The following GPCPD1 variants were observed in gnomAD, a reference collection of about 807,000 sequenced individuals.
GPCPD1 encodes glycerophosphocholine phosphodiesterase 1.
A neutral mutation model predicts 89.2 loss-of-function variants in GPCPD1; 29 were observed. The observed-to-expected ratio is 0.33, with a 90% confidence interval of 0.24 to 0.44. The LOEUF is 0.44. Ranked by LOEUF, GPCPD1 falls within the 20% of genes least tolerant of loss-of-function variation. The probability of loss-of-function intolerance (pLI) is 1.00; values close to 1 mark genes in which losing one functional copy is unlikely to be tolerated. For missense variants in GPCPD1, 594 were observed against 808.9 expected (o/e 0.73, Z 3.22); for synonymous variants, 258 against 266.3 (o/e 0.97, Z 0.30).
intron 4 of GPCPD1, 27 bp downstream of exon 4, chr20:5,593,300 A>G (rs779845603): frequency 2.6e-6 from 3 of 1,157,064 alleles, no homozygotes; most frequent in Non-Finnish European, 1.3e-6. Flanking sequence ...TGCTAAAGGA[A>G]TTGGAAACTA....
At chr20:5,599,800 G>A (rs1183249387) in intron 2 of GPCPD1, among the ~76,000 whole-genome samples, 4 of 152,054 alleles carry the variant, frequency 2.6e-5, no homozygotes, top group Admixed American at 6.6e-5. Context: ...TGATCTGCCC[G>A]CCTTGGCCTC....
At chr20:5,572,728 C>T (rs531627354) in intron 11 of GPCPD1, among the ~76,000 whole-genome samples, 5 of 151,404 alleles carry the variant, frequency 3.3e-5, no homozygotes, top group African/African-American at 1.2e-4. Flanking sequence ...GGAGAAAAAT[C>T]TCAGGTTATT....
At chr20:5,589,502 C>T (rs1311608638) in intron 4 of GPCPD1, among the ~76,000 whole-genome samples, 2 of 152,088 alleles carry the variant, frequency 1.3e-5, no homozygotes, top group African/African-American at 4.8e-5. Context: ...ATCCCAACTA[C>T]TCGGAAGGCT....
At chr20:5,549,015 T>C (rs1239551078) in intron 19 of GPCPD1, 2 of 703,834 alleles carry the variant, frequency 2.8e-6, no homozygotes, top group Admixed American at 4.4e-5. Flanking sequence ...AACCTGCCGC[T>C]GATCTCTAAG....
chr20:5,607,133 A>T (rs1980638859), intron 1 of GPCPD1, among the ~76,000 whole-genome samples: 1 of 152,112 alleles, frequency 6.6e-6, no homozygotes, highest in Non-Finnish European at 1.5e-5. Flanking sequence ...CTAAAAATAC[A>T]AAAATTGGCT....
chr20:5,553,084 C>G (rs1985524450), intron 19 of GPCPD1, among the ~76,000 whole-genome samples: 1 of 152,184 alleles, frequency 6.6e-6, no homozygotes, highest in African/African-American at 2.4e-5. Flanking sequence ...TTTTCAGATA[C>G]TGTGTTTCTT....
chr20:5,595,422 C>A (rs1354108816), intron 3 of GPCPD1, among the ~76,000 whole-genome samples: 1 of 152,086 alleles, frequency 6.6e-6, no homozygotes, highest in African/African-American at 2.4e-5. Context: ...GTGGGCGGAT[C>A]ATGAGGTCAG....
intron 15 of GPCPD1, among the ~76,000 whole-genome samples, chr20:5,562,083 C>T (rs555503650): frequency 1.4e-4 from 21 of 152,272 alleles, no homozygotes; most frequent in African/African-American, 5.1e-4. Flanking sequence ...ATGACAAATG[C>T]TATCAGTGTA....
intron 8 of GPCPD1, 82 bp from the exon 9 acceptor site, chr20:5,576,060 CAGACACACACACACAT>C: frequency 1.8e-6 from 1 of 545,530 alleles, no homozygotes; most frequent in Non-Finnish European, 3.2e-6. Flanking sequence ...CACACACACA[CAGACACACACACACAT>C]ATCTCCTATA....
intron 2 of GPCPD1, among the ~76,000 whole-genome samples, chr20:5,600,261 C>G (rs1369493160): frequency 6.6e-6 from 1 of 152,212 alleles, no homozygotes; most frequent in Non-Finnish European, 1.5e-5. Flanking sequence ...TTTCAGGGCT[C>G]TAAATACATG....
chr20:5,603,746 CTTTTTTT>C (rs1181802350), intron 2 of GPCPD1, among the ~76,000 whole-genome samples: 2 of 135,406 alleles, frequency 1.5e-5, no homozygotes, highest in Non-Finnish European at 3.2e-5. Context: ...CCAACTTATT[CTTTTTTT>C]TTTTTTTTTT....
chr20:5,580,587 G>A (rs151273282), intron 6 of GPCPD1, among the ~76,000 whole-genome samples: 9 of 151,818 alleles, frequency 5.9e-5, no homozygotes, highest in African/African-American at 1.9e-4. Flanking sequence ...ATAGCCGGGC[G>A]TGGTGGCGGG....
At chr20:5,607,754 G>T (rs1384650311) in intron 1 of GPCPD1, among the ~76,000 whole-genome samples, 2 of 151,588 alleles carry the variant, frequency 1.3e-5, no homozygotes, top group Admixed American at 1.3e-4. Flanking sequence ...GAAGGTGGAG[G>T]TTGCAGTGAG....
chr20:5,573,698 G>A (rs1184535385), intron 11 of GPCPD1, among the ~76,000 whole-genome samples: 2 of 152,072 alleles, frequency 1.3e-5, no homozygotes, highest in Non-Finnish European at 2.9e-5. Context: ...AGCCATGTTC[G>A]CACCACTGCA....
At chr20:5,573,795 C>T (rs755138357) in intron 11 of GPCPD1, 120 bp downstream of exon 11, 15 of 757,028 alleles carry the variant, frequency 2.0e-5, no homozygotes, top group Non-Finnish European at 3.1e-5. Context: ...CCGATCTTCA[C>T]CATGGATCTG....
intron 19 of GPCPD1, among the ~76,000 whole-genome samples, 177 bp downstream of exon 19, chr20:5,557,768 C>T (rs1194929712): frequency 6.6e-6 from 1 of 152,210 alleles, no homozygotes. Context: ...CCTTAACAAG[C>T]TTCCCAAGTG....
At chr20:5,607,743 A>C (rs1980690318) in intron 1 of GPCPD1, among the ~76,000 whole-genome samples, 1 of 151,828 alleles carries the variant, frequency 6.6e-6, no homozygotes, top group Admixed American at 6.6e-5. Flanking sequence ...ACTTGAACCC[A>C]GAAGGTGGAG....
intron 8 of GPCPD1, among the ~76,000 whole-genome samples, chr20:5,577,539 A>T (rs1600753958): frequency 6.6e-6 from 1 of 152,056 alleles, no homozygotes; most frequent in East Asian, 1.9e-4. Context: ...GAAAGAAAGA[A>T]GTCATCAAAA....
At chr20:5,576,179 G>A (rs1978288332) in intron 8 of GPCPD1, among the ~76,000 whole-genome samples, 1 of 151,588 alleles carries the variant, frequency 6.6e-6, no homozygotes. Context: ...CCAGCACTTT[G>A]GGATGCTGAC....
Sources: gnomAD v4.1 joint callset for allele counts (sites outside exome capture counted in the v4.1 genomes callset) on GRCh38, gnomAD v4.1.1 for gene constraint, MANE v1.5 for transcripts, NCBI Gene and HGNC (gene_info 2026-07-23, HGNC 2026-07-21) for gene names.